The following USH2A variants were observed in gnomAD, a reference collection of about 807,000 sequenced individuals.
The protein encoded by USH2A is usherin.
USH2A carries 443 observed loss-of-function variants against 538.9 expected under a neutral mutation model. The observed-to-expected ratio is 0.82, with a 90% CI of 0.76 to 0.89. The LOEUF is 0.89. Among genes scored for constraint, USH2A ranks in the 40% least tolerant of loss-of-function variants. The probability of loss-of-function intolerance (pLI) is 0.00; values close to 1 mark genes in which losing one functional copy is unlikely to be tolerated. For synonymous variants in USH2A, 2,413 were observed against 2,273.5 expected (o/e 1.06, Z -1.75); for missense variants, 6,633 against 6,324.8 (o/e 1.05, Z -1.65).
intron 60 of USH2A, among the ~76,000 whole-genome samples, chr1:215,740,535 C>T (rs1660270848): frequency 6.6e-6 from 1 of 152,174 alleles, no homozygotes; most frequent in Non-Finnish European, 1.5e-5. Context: ...CTCATTAAAA[C>T]AGAAGGAAAA....
At chr1:215,937,431 C>T (rs1280692433) in intron 37 of USH2A, among the ~76,000 whole-genome samples, 2 of 152,042 alleles carry the variant, frequency 1.3e-5, no homozygotes, top group Non-Finnish European at 2.9e-5. Flanking sequence ...TTATTGAGCT[C>T]CAACTGCATG....
At chr1:216,272,300 A>G (rs2036588756) in intron 11 of USH2A, among the ~76,000 whole-genome samples, 1 of 152,118 alleles carries the variant, frequency 6.6e-6, no homozygotes, top group South Asian at 2.1e-4. Flanking sequence ...TTTAATGTTT[A>G]TAAAATGTGC....
intron 9 of USH2A, among the ~76,000 whole-genome samples, chr1:216,313,065 A>G (rs1027323951): frequency 6.6e-6 from 1 of 152,182 alleles, no homozygotes; most frequent in Non-Finnish European, 1.5e-5. Context: ...AGGGCAGCAC[A>G]TGGGGAATGG....
intron 31 of USH2A, 110 bp from the exon 32 acceptor site, chr1:216,046,702 AAT>A: frequency 7.7e-7 from 1 of 1,294,720 alleles, no homozygotes; most frequent in Admixed American, 1.9e-5. Flanking sequence ...CATGCATGGA[AAT>A]ATTCCCGATT....
At chr1:215,737,223 A>G (rs1558075788) in intron 60 of USH2A, among the ~76,000 whole-genome samples, 1 of 151,986 alleles carries the variant, frequency 6.6e-6, no homozygotes, top group Non-Finnish European at 1.5e-5. Flanking sequence ...TCTTTCATGA[A>G]GAAGAAAATA....
chr1:216,174,841 T>C lies in USH2A; in HGVS notation c.4627+411A>G, dbSNP rs772732997. Reference sequence around the variant, plus strand: ...TTAGCTAAGCAAAGTTGAATAGCTTTCTTACAATGCTTTTTGGAGTTTCAG... The same window carrying C: ...TTAGCTAAGCAAAGTTGAATAGCTTCCTTACAATGCTTTTTGGAGTTTCAG... On this transcript the variant is annotated intron_variant, in intron 21 of 71. Coordinates refer to ENST00000307340, the MANE Select transcript of USH2A (RefSeq NM_206933.4). The C allele has an allele frequency of 2.8e-4, 287 of 1,031,732 alleles. No individual in the cohort carries two copies. The highest frequency in any genetic ancestry group is 7.6e-4 in the Admixed American group (15 of 19,802). 63.9% of individuals were successfully genotyped at this position (1,031,732 alleles called of 1,614,324 possible). A position where few individuals can be genotyped will look rare whatever the true frequency, so the allele number is the denominator to read the frequency against.
intron 32 of USH2A, among the ~76,000 whole-genome samples, chr1:216,018,723 ATCT>A (rs1435164316): frequency 1.3e-5 from 2 of 152,178 alleles, no homozygotes; most frequent in Admixed American, 6.5e-5. Flanking sequence ...TCTTTTCTCC[ATCT>A]TCTAATCAAT....
chr1:215,932,916 G>A (rs3845528), intron 38 of USH2A, among the ~76,000 whole-genome samples: 6,271 of 151,922 alleles, frequency 0.041, 138 homozygotes, highest in Middle Eastern at 0.068. Flanking sequence ...TTCACATAGC[G>A]CATATTCCGT....
chr1:215,858,694 C>T (rs1664237140), intron 44 of USH2A, among the ~76,000 whole-genome samples: 1 of 151,760 alleles, frequency 6.6e-6, no homozygotes, highest in Non-Finnish European at 1.5e-5. Flanking sequence ...TGGATAAGAG[C>T]TTTGCTATTA....
chr1:216,175,575 A>G, intron 20 of USH2A, 93 bp from the exon 21 acceptor site: 1 of 1,161,834 alleles, frequency 8.6e-7, no homozygotes, highest in Non-Finnish European at 1.3e-6. Flanking sequence ...ATTTGTATAT[A>G]TCACACTTCA....
At chr1:215,699,305 C>T (rs1214226651) in intron 61 of USH2A, among the ~76,000 whole-genome samples, 1 of 152,094 alleles carries the variant, frequency 6.6e-6, no homozygotes, top group Non-Finnish European at 1.5e-5. Flanking sequence ...TATATGGGCT[C>T]TTTTTTGGTT....
At position 215,811,507 on chromosome 1, in the gene USH2A, G is replaced by A. The variant is rs1386202647; in HGVS notation, c.9739+2229C>T. Among the ~76,000 whole-genome samples, 3 of 152,176 alleles carry A rather than the reference G, an allele frequency of 2.0e-5. No individual in the cohort carries two copies. The East Asian group carries it at 5.8e-4, about 29-fold the overall frequency. On this transcript the variant is annotated intron_variant, in intron 49 of 71. Transcript: ENST00000307340. ...ATCTGATCCTATAGTCCCCATCCAG[G>A]AACTGACTAAGGACAAGAAGACAGC...
intron 32 of USH2A, among the ~76,000 whole-genome samples, chr1:216,016,384 C>G: frequency 6.6e-6 from 1 of 152,180 alleles, no homozygotes; most frequent in Middle Eastern, 3.4e-3. Flanking sequence ...GAAAAGAAAT[C>G]GCTTTGCTAT....
intron 61 of USH2A, among the ~76,000 whole-genome samples, chr1:215,681,308 T>C (rs189704138): frequency 7.0e-6 from 1 of 143,880 alleles, no homozygotes; most frequent in East Asian, 2.1e-4. Flanking sequence ...TAGTAATGTG[T>C]TCATAGGTAA....
chr1:216,144,970 A>T (rs981955762), intron 21 of USH2A, among the ~76,000 whole-genome samples: 1 of 152,128 alleles, frequency 6.6e-6, no homozygotes, highest in Non-Finnish European at 1.5e-5. Flanking sequence ...CAGAGATAAC[A>T]GTGTGTTCTG....
At chr1:216,336,883 T>A (rs933466963) in intron 4 of USH2A, among the ~76,000 whole-genome samples, 2 of 151,408 alleles carry the variant, frequency 1.3e-5, no homozygotes, top group African/African-American at 4.8e-5. Context: ...AAAAACACAA[T>A]CATACAAGAA....
chr1:216,272,169 A>G (rs1369374457), intron 11 of USH2A, among the ~76,000 whole-genome samples: 1 of 152,150 alleles, frequency 6.6e-6, no homozygotes, highest in African/African-American at 2.4e-5. Context: ...TTAGATATGA[A>G]TTAAATGTCT....
At chr1:215,761,195 T>C (rs897348754) in intron 56 of USH2A, among the ~76,000 whole-genome samples, 4 of 152,200 alleles carry the variant, frequency 2.6e-5, no homozygotes, top group African/African-American at 9.6e-5. Flanking sequence ...ATTTTTGCAT[T>C]TTGTTCTCAT....
At chr1:215,718,220 T>G (rs1659540357) in intron 61 of USH2A, among the ~76,000 whole-genome samples, 1 of 152,276 alleles carries the variant, frequency 6.6e-6, no homozygotes, top group Middle Eastern at 3.4e-3. Context: ...GTGGTGGGTG[T>G]GGGTCATTGC....
Sources: gnomAD v4.1 joint callset for allele counts (sites outside exome capture counted in the v4.1 genomes callset) on GRCh38, gnomAD v4.1.1 for gene constraint, MANE v1.5 for transcripts, NCBI Gene and HGNC (gene_info 2026-07-23, HGNC 2026-07-21) for gene names.